The following CBLB variants were observed in gnomAD, a reference collection of about 807,000 sequenced individuals.
CBLB encodes the protein E3 ubiquitin-protein ligase CBL-B.
Under a neutral mutation model 104.9 loss-of-function variants are expected in CBLB, and 31 were observed. The ratio of observed to expected loss-of-function variants is 0.30; its 90% CI spans 0.22 to 0.40. The LOEUF is 0.40. CBLB is among the 10% of genes least tolerant of loss of function. The pLI, the probability that CBLB is intolerant of heterozygous loss-of-function variation, is 1.00. For missense variants in CBLB, 1,062 were observed against 1,214.6 expected, an observed-to-expected ratio of 0.87 and a Z score of 1.87; for synonymous variants, 440 against 422.6, an observed-to-expected ratio of 1.04 and a Z score of -0.51.
intron 3 of CBLB, among the ~76,000 whole-genome samples, chr3:105,810,090 T>C (rs1275029352): frequency 1.3e-5 from 2 of 152,172 alleles, no homozygotes; most frequent in African/African-American, 2.4e-5. Context: ...AGACAGAACG[T>C]GTACACCCTG....
intron 3 of CBLB, among the ~76,000 whole-genome samples, chr3:105,784,458 G>A (rs535919666): frequency 6.6e-6 from 1 of 152,248 alleles, no homozygotes; most frequent in South Asian, 2.1e-4. Flanking sequence ...TGTGATAAAA[G>A]ACCAGTTTCA....
At chr3:105,781,800 A>G (rs2080288955) in intron 3 of CBLB, among the ~76,000 whole-genome samples, 1 of 152,234 alleles carries the variant, frequency 6.6e-6, no homozygotes, top group Non-Finnish European at 1.5e-5. Context: ...TTGGTAGAAG[A>G]AATGGGAGGT....
In CBLB at chr3:105,704,003, T is replaced by C. The variant is rs1296334721; in HGVS notation, c.1578A>G (p.Pro526=). 6.2e-7 allele frequency: 1 copy of C among 1,614,096 alleles called. No individual in the cohort carries two copies. Among genetic ancestry groups the C allele is most frequent in the Admixed American group, 1.7e-5 (1 of 60,030 alleles). ...KGIVRSPCGS[P]TGSPKSSPCM... is the part of the protein sequence containing the mutation. ...ATTGATCTACCTTTGGTGAACCCGT[T>C]GGGCTGCCACAGGGAGATCTAACTA... The change falls in exon 11 of 19, where the codon CCA becomes CCG. Residue 526 remains proline, a synonymous_variant. Transcript: ENST00000394030.
intron 8 of CBLB, among the ~76,000 whole-genome samples, chr3:105,735,502 A>T (rs150148734): frequency 1.3e-5 from 2 of 152,234 alleles, no homozygotes; most frequent in Non-Finnish European, 1.5e-5. Context: ...AAGAGTATTT[A>T]TGAGTAATTT....
chr3:105,811,992 C>T (rs1409814059), intron 3 of CBLB, among the ~76,000 whole-genome samples: 1 of 152,090 alleles, frequency 6.6e-6, no homozygotes, highest in Non-Finnish European at 1.5e-5. Context: ...CATGAGCCAC[C>T]GCACCTGGCC....
At chr3:105,672,003 T>G (rs1015371298) in intron 17 of CBLB, 1 of 190,616 alleles carries the variant, frequency 5.2e-6, no homozygotes, top group Non-Finnish European at 1.1e-5. Flanking sequence ...ATTTTGAAAT[T>G]TCCCAAAGAT....
At chr3:105,862,841 G>A (rs1002880618) in intron 2 of CBLB, among the ~76,000 whole-genome samples, 5 of 151,984 alleles carry the variant, frequency 3.3e-5, no homozygotes, top group African/African-American at 1.2e-4. Context: ...TCCAACCCAT[G>A]AGCTGGCCAG....
In CBLB at chr3:105,665,559, T is replaced by C. The variant is rs568316901; in HGVS notation, c.2689+4674A>G. Among the ~76,000 whole-genome samples, 386 of 147,140 alleles carry C rather than the reference T, an allele frequency of 2.6e-3. 5 individuals are homozygous for C. The highest frequency in any genetic ancestry group is 9.1e-3 in the African/African-American group (371 of 40,586). Reference sequence around the variant, plus strand: ...CACAGTAAAAATAAATTTATATTTATATCTATACCATATTATATAACCATA... The same window carrying C: ...CACAGTAAAAATAAATTTATATTTACATCTATACCATATTATATAACCATA... On this transcript the variant is annotated intron_variant, in intron 18 of 18. Transcript: ENST00000394030.
chr3:105,776,336 G>A (rs1296064809), intron 4 of CBLB, 60 bp downstream of exon 4: 3 of 1,417,852 alleles, frequency 2.1e-6, no homozygotes, highest in Non-Finnish European at 3.0e-6. Flanking sequence ...TCCAACTGGA[G>A]GGAGGATACA....
At chr3:105,840,675 T>C (rs1232967605) in intron 3 of CBLB, among the ~76,000 whole-genome samples, 1 of 152,150 alleles carries the variant, frequency 6.6e-6, no homozygotes, top group Non-Finnish European at 1.5e-5. Context: ...TCCAATCTAT[T>C]TAGCTTCTCC....
chr3:105,851,418 G>T (rs1333887864), intron 3 of CBLB, among the ~76,000 whole-genome samples: 1 of 152,140 alleles, frequency 6.6e-6, no homozygotes, highest in Non-Finnish European at 1.5e-5. Flanking sequence ...GGCATTTTTA[G>T]GGCAGTGAAA....
At chr3:105,776,663 T>C (rs2152964451) in intron 3 of CBLB, 121 bp from the exon 4 acceptor site, 1 of 927,894 alleles carries the variant, frequency 1.1e-6, no homozygotes. Context: ...GTCTTGGTGG[T>C]TGATCACGAA....
intron 5 of CBLB, among the ~76,000 whole-genome samples, chr3:105,746,787 A>G (rs2076141175): frequency 6.6e-6 from 1 of 152,234 alleles, no homozygotes; most frequent in Non-Finnish European, 1.5e-5. Flanking sequence ...CACATTAACC[A>G]TAAGCTACAT....
intron 2 of CBLB, among the ~76,000 whole-genome samples, chr3:105,859,497 A>G (rs1446841061): frequency 2.0e-5 from 3 of 152,026 alleles, no homozygotes; most frequent in Non-Finnish European, 4.4e-5. Context: ...TAAAAATACA[A>G]AAACAAAATT....
At chr3:105,742,169 C>A (rs1229614761) in intron 6 of CBLB, among the ~76,000 whole-genome samples, 1 of 152,132 alleles carries the variant, frequency 6.6e-6, no homozygotes, top group Non-Finnish European at 1.5e-5. Context: ...TTAAGCAGAT[C>A]AAAAACAAAC....
intron 11 of CBLB, among the ~76,000 whole-genome samples, chr3:105,702,979 G>A (rs1545304): frequency 0.21 from 32,584 of 151,854 alleles, 3,627 homozygotes; most frequent in Admixed American, 0.26. Flanking sequence ...CTTCTTTATC[G>A]GTTATTACCA....
chr3:105,847,053 G>A (rs1231052493), intron 3 of CBLB, among the ~76,000 whole-genome samples: 2 of 151,974 alleles, frequency 1.3e-5, no homozygotes, highest in African/African-American at 4.8e-5. Context: ...CTTTTGTTTT[G>A]TTGTTGCTCT....
chr3:105,676,832 A>T (rs1289039913), intron 17 of CBLB, among the ~76,000 whole-genome samples: 2 of 152,146 alleles, frequency 1.3e-5, no homozygotes, highest in Non-Finnish European at 2.9e-5. Context: ...TGCTGTTCTC[A>T]TGATAGTGAG....
chr3:105,813,447 G>A (rs997862989), intron 3 of CBLB, among the ~76,000 whole-genome samples: 1 of 152,038 alleles, frequency 6.6e-6, no homozygotes, highest in Non-Finnish European at 1.5e-5. Flanking sequence ...TTATGCAATG[G>A]TATTTTGAGT....
Sources: allele counts gnomAD v4.1 joint callset (sites outside exome capture counted in the v4.1 genomes callset), GRCh38; gene constraint gnomAD v4.1.1; transcripts MANE v1.5; gene names NCBI Gene and HGNC (gene_info 2026-07-23, HGNC 2026-07-21).